The following CEP250 variants were observed in gnomAD, a reference collection of about 807,000 sequenced individuals.
CEP250 encodes centrosomal protein 250.
A neutral mutation model predicts 315.7 loss-of-function variants in CEP250; 242 were observed. The ratio of observed to expected loss-of-function variants is 0.77; its 90% CI spans 0.69 to 0.85. The LOEUF (loss-of-function observed/expected upper bound fraction) is 0.85. Ranked by LOEUF, CEP250 falls within the 40% of genes least tolerant of loss-of-function variation. The pLI is 0.00. For synonymous variants in CEP250, 1,088 were observed against 1,175.0 expected, an observed-to-expected ratio of 0.93 and a Z score of 1.51; for missense variants, 2,515 against 2,886.4, an observed-to-expected ratio of 0.87 and a Z score of 2.95.
Position 35,493,561 on chromosome 20 carries a change from C to T in CEP250, c.3022C>T (p.Leu1008=), listed in dbSNP as rs758639520. Residue 1008 remains leucine, a synonymous_variant, in exon 23 of 35, where the codon CTG becomes TTG. Coordinates refer to ENST00000397527, the MANE Select transcript of CEP250 (RefSeq NM_007186.6). ...SSSLLQDKMD[L]QKQVEDLKSQ... Reference sequence around the variant, plus strand: ...CTCCCTGCTGCAGGATAAGATGGACCTGCAGAAGCAGGTCCCCTCCTCCTC... The same window carrying T: ...CTCCCTGCTGCAGGATAAGATGGACTTGCAGAAGCAGGTCCCCTCCTCCTC... 23 of 1,556,806 alleles carry T rather than the reference C, an allele frequency of 1.5e-5. No individual in the cohort carries two copies. The highest frequency in any genetic ancestry group is 1.9e-4 in the Middle Eastern group (1 of 5,334).
Position 35,511,424 on chromosome 20 carries a change from G to A in CEP250, c.7127G>A (p.Arg2376His), listed in dbSNP as rs374274791. 34 of 1,612,966 alleles carry A rather than the reference G, an allele frequency of 2.1e-5. No homozygotes were observed. The highest frequency in any genetic ancestry group is 5.5e-5 in the South Asian group (5 of 91,044). Reference sequence around the variant, plus strand: ...AAGCAGAAGCAGGACTACATCACCCGCTCAGCACAGACCAGCCGTGAGCTA... The same window carrying A: ...AAGCAGAAGCAGGACTACATCACCCACTCAGCACAGACCAGCCGTGAGCTA... Reference protein sequence around the residue: ...ERKQKQDYITRSAQTSRELAG... With the variant: ...ERKQKQDYITHSAQTSRELAG... The change falls in exon 35 of 35, where the codon CGC becomes CAC. Residue 2376 changes from arginine to histidine, a missense_variant. Physicochemically the swap from Arg to His is conservative, Grantham distance 29. Coordinates refer to ENST00000397527, the MANE Select transcript of CEP250 (RefSeq NM_007186.6).
At position 35,466,078 on chromosome 20, in the gene CEP250, G is replaced by A. The variant is rs368777120; in HGVS notation, c.366G>A (p.Leu122=). The change falls in exon 7 of 35, where the codon CTG becomes CTA. Residue 122 remains leucine, a synonymous_variant. Transcript: ENST00000397527. ...SLAEVNTQLR[L]HMEKADVVNK... ...CAGAGGTGAACACCCAGCTTCGACT[G>A]CACATGGAAAAAGCTGACGTGGTGA... 6 of 1,614,086 alleles carry A rather than the reference G, an allele frequency of 3.7e-6. No homozygotes were observed. The African/African-American group carries it at 5.3e-5, about 14-fold the overall frequency.
At position 35,490,698 on chromosome 20, in the gene CEP250, A is replaced by T; in HGVS notation, c.2648A>T (p.Glu883Val). ...AAGGCTCTGGAGAGCTTAGAAAGGG[A>T]AAAAATGGAGCTGGAAATGAGGCTA... Reference protein sequence around the residue: ...LAKALESLEREKMELEMRLKE... With the variant: ...LAKALESLERVKMELEMRLKE... Residue 883 changes from glutamate to valine, a missense_variant, in exon 21 of 35, where the codon GAA becomes GTA. Coordinates refer to ENST00000397527, the MANE Select transcript of CEP250 (RefSeq NM_007186.6). 6.2e-7 allele frequency: 1 copy of T among 1,613,696 alleles called. No homozygotes were observed. The highest frequency in any genetic ancestry group is 8.5e-7 in the Non-Finnish European group (1 of 1,179,824).
At chr20:35,491,109 A>G in intron 21 of CEP250, 103 bp from the exon 22 acceptor site, 1 of 1,410,898 alleles carries the variant, frequency 7.1e-7, no homozygotes, top group Non-Finnish European at 9.6e-7. Context: ...GCCCCTTCCC[A>G]TTTGCTAGGA....
rs1459331192 is a variant in CEP250 at position 35,498,707 on chromosome 20, A to G, written c.3768A>G (p.Gln1256=). Residue 1256 remains glutamine, a synonymous_variant, in exon 27 of 35, where the codon CAA becomes CAG. Coordinates refer to ENST00000397527, the MANE Select transcript of CEP250 (RefSeq NM_007186.6). ...HKLHQDLWKT[Q]QTRDVLRDQV... is the part of the protein sequence containing the mutation. ...TTCATCAAGACCTGTGGAAGACTCA[A>G]CAGACCCGGGTATGTTTCTCTGCTC... 6.3e-7 allele frequency: 1 copy of G among 1,582,808 alleles called. No homozygotes were observed. The highest frequency in any genetic ancestry group is 2.3e-5 in the East Asian group (1 of 43,250).
intron 10 of CEP250, 109 bp from the exon 11 acceptor site, chr20:35,471,941 G>A (rs1568769501): frequency 1.4e-6 from 1 of 696,756 alleles, no homozygotes; most frequent in Non-Finnish European, 2.6e-6. Flanking sequence ...CAGGGAAAAA[G>A]TGGGGCTGAT....
intron 5 of CEP250, 68 bp downstream of exon 5, chr20:35,463,699 T>A: frequency 2.2e-6 from 3 of 1,360,070 alleles, no homozygotes; most frequent in Middle Eastern, 1.9e-4. Context: ...TTTCATTTGT[T>A]GACTGAGGGA....
chr20:35,491,152 C>G, intron 21 of CEP250, 60 bp from the exon 22 acceptor site: 2 of 1,578,886 alleles, frequency 1.3e-6, no homozygotes, highest in Admixed American at 3.5e-5. Context: ...TGCTTGTGGC[C>G]TCGTTGGTGA....
In CEP250 at chr20:35,462,485, C is replaced by A. The variant is rs375512982; in HGVS notation, c.118C>A (p.Arg40=). The A allele has an allele frequency of 1.9e-6, 3 of 1,609,024 alleles. No individual in the cohort carries two copies. Among genetic ancestry groups the A allele is most frequent in the South Asian group, 1.1e-5 (1 of 90,162 alleles). ...GGCAGAGAATCAGGCAGCCTCCTGG[C>A]GGAAGCTGAAGAACTCCCAGGAGGC... ...QMAENQAASW[R]KLKNSQEAQQ... Residue 40 remains arginine (R), a synonymous_variant, in exon 4 of 35, where the codon CGG becomes AGG. Transcript: ENST00000397527.
At chr20:35,474,082 G>A in intron 14 of CEP250, 30 bp downstream of exon 14, 1 of 1,479,106 alleles carries the variant, frequency 6.8e-7, no homozygotes, top group Non-Finnish European at 9.0e-7. Context: ...TCCTCGCTGG[G>A]CCCTGGTCTT....
chr20:35,486,033 C>CTTTTT (rs568800381), intron 20 of CEP250, among the ~76,000 whole-genome samples: 2 of 128,374 alleles, frequency 1.6e-5, no homozygotes, highest in African/African-American at 5.9e-5. Context: ...AGTGGATTTA[C>CTTTTT]TTTTTTTTTT....
In CEP250 at chr20:35,517,073, C is replaced by A; in HGVS notation, c.*5447C>A. 1.0e-6 allele frequency: 1 copy of A among 969,040 alleles called. No homozygotes were observed. Among genetic ancestry groups the A allele is most frequent in the Non-Finnish European group, 1.2e-6 (1 of 814,942 alleles). The allele number at this position is 969,040 out of a possible 1,614,324, so 60.0% of individuals were successfully genotyped here. On this transcript the variant is annotated 3_prime_UTR_variant, in exon 35 of 35. Transcript: ENST00000397527. The stretch of plus-strand genomic sequence containing the variant: ...GTCACAGACTCTACATTCCCCTCTC[C>A]TGTTGGCCTCCATCCCTTCCTCAAC...
intron 18 of CEP250, 87 bp from the exon 19 acceptor site, chr20:35,479,559 G>A: frequency 4.5e-6 from 7 of 1,561,222 alleles, no homozygotes; most frequent in Non-Finnish European, 6.1e-6. Context: ...ACTTCTCCAG[G>A]TAGCCAATAC....
At position 35,477,880 on chromosome 20, in the gene CEP250, G is replaced by A. The variant is rs767478716; in HGVS notation, c.1873G>A (p.Glu625Lys). The change falls in exon 17 of 35, where the codon GAG (glutamate) becomes AAG (lysine). Residue 625 changes from glutamate (E) to lysine (K), a missense_variant. Glu to Lys is a moderately conservative substitution (Grantham distance 56). Transcript: ENST00000397527. ...CCTTTTTGGCCAGTAGTTAGAGGAG[G>A]AGAACCAGTCTGTGTGCAGCAGAAT... ...LNQQLLQLEE[E>K]NQSVCSRMEA... 1 of 1,582,688 alleles carries A rather than the reference G, an allele frequency of 6.3e-7. No homozygotes were observed. The highest frequency in any genetic ancestry group is 8.6e-7 in the Non-Finnish European group (1 of 1,164,246).
chr20:35,479,403 C>G lies in CEP250; in HGVS notation c.2267C>G (p.Ala756Gly). The change falls in exon 18 of 35, where the codon GCT becomes GGT. Residue 756 changes from alanine to glycine, a missense_variant. By Grantham distance (60) the Ala-to-Gly change is moderately conservative. Transcript: ENST00000397527. ...GTGGAGCGTGACCGGCAGGACCTCG[C>G]TGAACAACTACAGGGGCTCAGGTAG... The part of the protein sequence containing the change: ...QAVERDRQDL[A>G]EQLQGLSSAK... The G allele has an allele frequency of 6.2e-7, 1 of 1,613,890 alleles. No homozygotes were observed. The highest frequency in any genetic ancestry group is 1.1e-5 in the South Asian group (1 of 91,060).
rs1242657028 is a variant in CEP250 at position 35,476,564 on chromosome 20, A to G, written c.1832A>G (p.Asp611Gly). ...LSALNEALAL[D>G]KVGLNQQLLQ... ...GCCTTAAATGAGGCTTTGGCGTTAG[A>G]TAAAGTTGGGCTGAACCAGCAGCTT... The change falls in exon 16 of 35, where the codon GAT becomes GGT. Residue 611 changes from aspartate (D) to glycine (G), a missense_variant. Transcript: ENST00000397527. 1.9e-6 allele frequency: 3 copies of G among 1,613,856 alleles called. No homozygotes were observed. Among genetic ancestry groups the G allele is most frequent in the Non-Finnish European group, 2.5e-6 (3 of 1,179,700 alleles).
chr20:35,508,466 C>A (rs192243285), intron 32 of CEP250, among the ~76,000 whole-genome samples: 3 of 152,234 alleles, frequency 2.0e-5, no homozygotes, highest in Admixed American at 1.3e-4. Flanking sequence ...AGGCATGCAC[C>A]ACCATGCCTG....
In CEP250 at chr20:35,512,859, C is replaced by G. The variant is rs1177489995; in HGVS notation, c.*1233C>G. ...ACCGGTGTGAGCCACCATGCCCAAC[C>G]AGAACAGTTTTCCTTAAAGAAGCAG... On this transcript the variant is annotated 3_prime_UTR_variant, in exon 35 of 35. Coordinates refer to ENST00000397527, the MANE Select transcript of CEP250 (RefSeq NM_007186.6). 1 of 152,238 alleles carries G rather than the reference C, an allele frequency of 6.6e-6. No individual in the cohort carries two copies. Among genetic ancestry groups the G allele is most frequent in the African/African-American group, 2.4e-5 (1 of 41,434 alleles). The allele number at this position is 152,238 out of a possible 1,614,324, so 9.4% of individuals were successfully genotyped here. A position where few individuals can be genotyped will look rare whatever the true frequency, so the allele number is the denominator to read the frequency against.
At chr20:35,473,678 G>A in intron 13 of CEP250, 126 bp downstream of exon 13, 1 of 1,111,064 alleles carries the variant, frequency 9.0e-7, no homozygotes, top group Non-Finnish European at 1.3e-6. Flanking sequence ...ACTCAGGGCT[G>A]TTTTGCCCAG....
Sources: gnomAD v4.1 joint callset for allele counts (sites outside exome capture counted in the v4.1 genomes callset) on GRCh38, gnomAD v4.1.1 for gene constraint, MANE v1.5 for transcripts, NCBI Gene and HGNC (gene_info 2026-07-23, HGNC 2026-07-21) for gene names.